Variants in MGAM2 observed in about 807,000 individuals in gnomAD.
MGAM2 encodes the protein probable maltase-glucoamylase 2.
A neutral mutation model predicts 96.1 loss-of-function variants in MGAM2; 98 were observed. The observed-to-expected ratio is 1.02, with a 90% CI of 0.87 to 1.21. MGAM2 has a LOEUF of 1.21. Among genes scored for constraint, MGAM2 ranks in the 50% most tolerant of loss-of-function variants. The pLI is 0.00. For synonymous variants in MGAM2, 749 were observed against 414.8 expected, an observed-to-expected ratio of 1.81 and a Z score of -9.79; for missense variants, 2,055 against 1,182.4, an observed-to-expected ratio of 1.74 and a Z score of -10.82.
chr7:142,176,516 T>A (rs1796383612), intron 32 of MGAM2, among the ~76,000 whole-genome samples: 1 of 152,204 alleles, frequency 6.6e-6, no homozygotes, highest in Non-Finnish European at 1.5e-5. Context: ...GCTCTTTTTC[T>A]TATAAAGTTT....
At chr7:142,210,875 C>T in intron 46 of MGAM2, among the ~76,000 whole-genome samples, 1 of 152,324 alleles carries the variant, frequency 6.6e-6, no homozygotes, top group South Asian at 2.1e-4. Flanking sequence ...GGTCCCTGAC[C>T]CCCGTGCCTC....
intron 37 of MGAM2, 111 bp from the exon 38 acceptor site, chr7:142,196,043 A>G: frequency 7.4e-6 from 5 of 674,512 alleles, no homozygotes; most frequent in Admixed American, 2.1e-5. Flanking sequence ...TCAGGGAAGA[A>G]GTTATCTGAC....
At chr7:142,162,361 T>C (rs1322431716) in intron 23 of MGAM2, among the ~76,000 whole-genome samples, 1 of 152,094 alleles carries the variant, frequency 6.6e-6, no homozygotes, top group Non-Finnish European at 1.5e-5. Flanking sequence ...GGTTCTTCCA[T>C]AATGGCTGTC....
rs111982374 is a variant in MGAM2 at position 142,175,142 on chromosome 7, G to T, written c.3688-510G>T. 8.3e-3 allele frequency among the ~76,000 whole-genome samples: 1,271 copies of T among 152,242 alleles called. 6 individuals are homozygous for T. Among genetic ancestry groups the T allele is most frequent in the Non-Finnish European group, 0.014 (927 of 68,014 alleles). On this transcript the variant is annotated intron_variant, in intron 31 of 47. Transcript: ENST00000477922. ...TTCAAGGGGAATGCTTTCAGCTTTT[G>T]CTCATTCAGTATGATATTGGCTGTG...
At position 142,183,950 on chromosome 7, in the gene MGAM2, CTTTTTTTTTTTTTTTTTTTT is replaced by C. The variant is rs748299647; in HGVS notation, c.3924+598_3924+617del. Among the ~76,000 whole-genome samples, 118 of 46,140 alleles carry C rather than the reference CTTTTTTTTTTTTTTTTTTTT, an allele frequency of 2.6e-3. 1 individual carries two copies. Among genetic ancestry groups the C allele is most frequent in the African/African-American group, 5.0e-3 (89 of 17,796 alleles). The allele number at this position is 46,140 out of a possible 152,430, so 30.3% of individuals were successfully genotyped here. A position where few individuals can be genotyped will look rare whatever the true frequency, so the allele number is the denominator to read the frequency against. On this transcript the variant is annotated intron_variant, in intron 33 of 47. Coordinates refer to ENST00000477922, the MANE Select transcript of MGAM2 (RefSeq NM_001293626.2). ...ACTGCTCTGGATGTATTCCAGGCTCCTTTTTTTTTTTTTTTTTTTTTTTTTTTTTTTTTTTTTTTTGAGAT... is the reference window on the plus strand; with the variant it reads ...ACTGCTCTGGATGTATTCCAGGCTCCTTTTTTTTTTTTTTTTTTTTGAGAT...
chr7:142,205,708 T>G (rs1353977654), intron 45 of MGAM2, among the ~76,000 whole-genome samples: 1 of 152,138 alleles, frequency 6.6e-6, no homozygotes, highest in South Asian at 2.1e-4. Context: ...TAGCTAAAAG[T>G]CCCTTATCCG....
In MGAM2 at chr7:142,174,873, G is replaced by A. The variant is rs564223567; in HGVS notation, c.3688-779G>A. Among the ~76,000 whole-genome samples, 22 of 151,870 alleles carry A rather than the reference G, an allele frequency of 1.4e-4. No individual in the cohort carries two copies. In the East Asian group the frequency reaches 3.7e-3, roughly 26 times the overall value. ...TAGGACTACAGGTGTGGGCCACCAA[G>A]CTTGGCTAATTTTTTAAATATTTTT... is the stretch of plus-strand genomic sequence containing the variant. On this transcript the variant is annotated intron_variant, in intron 31 of 47. Transcript: ENST00000477922.
chr7:142,207,351 T>G (rs1797433925), intron 45 of MGAM2, among the ~76,000 whole-genome samples: 1 of 152,174 alleles, frequency 6.6e-6, no homozygotes, highest in Non-Finnish European at 1.5e-5. Context: ...GTTTAGGAGA[T>G]GTAAGATTGA....
At chr7:142,189,293 T>C in intron 36 of MGAM2, 74 bp from the exon 37 acceptor site, 2 of 575,176 alleles carry the variant, frequency 3.5e-6, no homozygotes, top group East Asian at 3.1e-5. Context: ...AGTAAAGAAA[T>C]GCCAAAATGA....
chr7:142,152,553 C>G (rs1795611576), intron 15 of MGAM2, among the ~76,000 whole-genome samples: 1 of 152,132 alleles, frequency 6.6e-6, no homozygotes, highest in Admixed American at 6.6e-5. Context: ...TCCAAACTTC[C>G]CAGGAAAATG....
intron 20 of MGAM2, 80 bp from the exon 21 acceptor site, chr7:142,160,054 T>G: frequency 4.9e-6 from 3 of 614,302 alleles, no homozygotes; most frequent in South Asian, 3.9e-5. Context: ...ATATGTCAAC[T>G]GAATGAGATG....
chr7:142,165,823 C>T (rs1796011988), intron 24 of MGAM2, among the ~76,000 whole-genome samples: 1 of 152,158 alleles, frequency 6.6e-6, no homozygotes, highest in Non-Finnish European at 1.5e-5. Context: ...AATTGGTAAG[C>T]ATCACACCCA....
chr7:142,135,276 G>A (rs112064623), intron 7 of MGAM2, among the ~76,000 whole-genome samples: 7,299 of 152,214 alleles, frequency 0.048, 604 homozygotes, highest in African/African-American at 0.17. Context: ...AATAGCTAAC[G>A]CATGTAATAA....
intron 35 of MGAM2, among the ~76,000 whole-genome samples, chr7:142,186,611 A>T (rs1796707284): frequency 1.3e-5 from 2 of 152,180 alleles, no homozygotes; most frequent in Non-Finnish European, 2.9e-5. Context: ...TAAAAGCAGG[A>T]CTTCCTGAGA....
At chr7:142,138,831 A>G (rs1795133632) in intron 10 of MGAM2, among the ~76,000 whole-genome samples, 164 bp downstream of exon 10, 1 of 152,206 alleles carries the variant, frequency 6.6e-6, no homozygotes, top group Non-Finnish European at 1.5e-5. Context: ...TGAGCATGAA[A>G]AGTATACTGT....
At chr7:142,120,624 G>T (rs1794541790) in intron 3 of MGAM2, among the ~76,000 whole-genome samples, 1 of 152,192 alleles carries the variant, frequency 6.6e-6, no homozygotes, top group African/African-American at 2.4e-5. Flanking sequence ...CCAAGGTGGA[G>T]GGCGATTACA....
At position 142,197,678 on chromosome 7, in the gene MGAM2, C is replaced by A; in HGVS notation, c.4816C>A (p.Arg1606Ser). The A allele has an allele frequency of 1.4e-6, 1 of 702,532 alleles. No homozygotes were observed. The highest frequency in any genetic ancestry group is 1.5e-5 in the South Asian group (1 of 67,560). 43.5% of individuals were successfully genotyped at this position (702,532 alleles called of 1,614,324 possible). A position where few individuals can be genotyped will look rare whatever the true frequency, so the allele number is the denominator to read the frequency against. Residue 1606 changes from arginine to serine, a missense_variant, in exon 42 of 48, where the codon CGT (arginine) becomes AGT (serine). Coordinates refer to ENST00000477922, the MANE Select transcript of MGAM2 (RefSeq NM_001293626.2). ...TDDRTTWDID[R>S]QFMLGPAILI... ...TGACAGGACAACATGGGATATAGAC[C>A]GTCAGTTCATGTTGGGCCCTGCTAT...
chr7:142,146,851 C>T (rs1795402176), intron 14 of MGAM2, among the ~76,000 whole-genome samples: 1 of 152,024 alleles, frequency 6.6e-6, no homozygotes, highest in Admixed American at 6.6e-5. Context: ...CCTCAGCCTC[C>T]CAAGTAGCTG....
chr7:142,215,664 G>A (rs1054072203), intron 46 of MGAM2, among the ~76,000 whole-genome samples: 3 of 151,182 alleles, frequency 2.0e-5, no homozygotes, highest in South Asian at 2.1e-4. Context: ...AGGCTGAGGC[G>A]GGAGAATCGC....
Sources: gnomAD v4.1 joint callset for allele counts (sites outside exome capture counted in the v4.1 genomes callset) on GRCh38, gnomAD v4.1.1 for gene constraint, MANE v1.5 for transcripts, NCBI Gene and HGNC (gene_info 2026-07-23, HGNC 2026-07-21) for gene names.